The following LMNB2 variants were observed in gnomAD, a reference collection of about 807,000 sequenced individuals.
The protein encoded by LMNB2 is lamin-B2.
A neutral mutation model predicts 69.3 loss-of-function variants in LMNB2; 17 were observed. The observed-to-expected ratio is 0.25, with a 90% CI of 0.17 to 0.37. The LOEUF is 0.37. Ranked by LOEUF, LMNB2 falls within the 10% of genes least tolerant of loss-of-function variation. LMNB2 has a pLI of 1.00. For missense variants in LMNB2, 789 were observed against 883.6 expected (o/e 0.89, Z 1.36); for synonymous variants, 397 against 389.3 (o/e 1.02, Z -0.23).
intron 1 of LMNB2, among the ~76,000 whole-genome samples, chr19:2,452,906 GTGGGGGATGGGTCATCCTCA>G (rs559866028): frequency 0.25 from 36,163 of 145,662 alleles, 4,885 homozygotes; most frequent in Middle Eastern, 0.29. Context: ...CGTCATCCTC[GTGGGGGATGGGTCATCCTCA>G]TGGGGGCTGC....
intron 2 of LMNB2, among the ~76,000 whole-genome samples, chr19:2,440,604 A>G (rs557717952): frequency 4.0e-5 from 6 of 150,918 alleles, no homozygotes; most frequent in African/African-American, 1.5e-4. Context: ...CTGTCCATCT[A>G]TCCATCCACC....
intron 1 of LMNB2, among the ~76,000 whole-genome samples, chr19:2,445,070 C>T (rs564878385): frequency 3.0e-4 from 45 of 152,246 alleles, no homozygotes; most frequent in African/African-American, 9.6e-4. Flanking sequence ...GGATCTCTCC[C>T]GCTGGGCACC....
At chr19:2,456,221 C>G (rs947404283) in intron 1 of LMNB2, among the ~76,000 whole-genome samples, 3 of 150,770 alleles carry the variant, frequency 2.0e-5, no homozygotes, top group Non-Finnish European at 4.4e-5. Flanking sequence ...CAGGGTTCCC[C>G]GCGACTGGGA....
rs145444042 is a variant in LMNB2, at chr19:2,431,811, C to A, written c.1682G>T (p.Arg561Leu). The change falls in exon 10 of 12, where the codon CGC becomes CTC. Residue 561 changes from arginine to leucine, a missense_variant. Transcript: ENST00000325327. ...GCCATCCGCGTTAACCAGGACGGTG[C>A]GGAAGCTCTCGCCCGTGCCCCAGCT... ...QSSWGTGESF[R>L]TVLVNADGEE... 36 of 1,613,668 alleles carry A rather than the reference C, an allele frequency of 2.2e-5. No homozygotes were observed. Among genetic ancestry groups the A allele is most frequent in the Middle Eastern group, 3.3e-4 (2 of 6,084 alleles).
At chr19:2,451,528 T>C (rs904358691) in intron 1 of LMNB2, among the ~76,000 whole-genome samples, 1 of 152,190 alleles carries the variant, frequency 6.6e-6, no homozygotes, top group Non-Finnish European at 1.5e-5. Flanking sequence ...CAAAGACCCT[T>C]TGAGCCTGCG....
rs767335689 is a variant in LMNB2 at position 2,438,308 on chromosome 19, G to A, written c.559-20C>T. ...CTCGGCCTGGGAGACACAGGACAGC[G>A]AGCTGGTGTGACAATCTGTCTGTTG... On this transcript the variant is annotated intron_variant, in intron 3 of 11. Coordinates refer to ENST00000325327, the MANE Select transcript of LMNB2 (RefSeq NM_032737.4). 7.4e-5 allele frequency: 120 copies of A among 1,613,724 alleles called. No homozygotes were observed. Among genetic ancestry groups the A allele is most frequent in the Non-Finnish European group, 9.3e-5 (110 of 1,180,040 alleles).
At chr19:2,435,877 G>A (rs1456007379) in intron 4 of LMNB2, among the ~76,000 whole-genome samples, 6 of 152,186 alleles carry the variant, frequency 3.9e-5, no homozygotes, top group African/African-American at 9.6e-5. Context: ...CGGGCCAGGC[G>A]TGGTGGCTCA....
intron 11 of LMNB2, 26 bp from the exon 12 acceptor site, chr19:2,430,978 G>A (rs371799202): frequency 8.8e-6 from 14 of 1,587,308 alleles, no homozygotes; most frequent in Middle Eastern, 1.9e-4. Flanking sequence ...AAGGAAGGTC[G>A]GCCATGATCA....
chr19:2,431,821 C>CGCCCGTGCCCCAGCTGCTCTG lies in LMNB2; in HGVS notation c.1651_1671dup (p.Gln551_Gly557dup). 2.5e-6 allele frequency: 4 copies of CGCCCGTGCCCCAGCTGCTCTG among 1,613,718 alleles called. No individual in the cohort carries two copies. Among genetic ancestry groups the CGCCCGTGCCCCAGCTGCTCTG allele is most frequent in the Non-Finnish European group, 2.5e-6 (3 of 1,179,930 alleles). ...TTAACCAGGACGGTGCGGAAGCTCT[C>CGCCCGTGCCCCAGCTGCTCTG]GCCCGTGCCCCAGCTGCTCTGGCCC... On this transcript the variant is annotated inframe_insertion, in exon 10 of 12. Coordinates refer to ENST00000325327, the MANE Select transcript of LMNB2 (RefSeq NM_032737.4).
In LMNB2 at chr19:2,447,089, A is replaced by T. The variant is rs1971964909; in HGVS notation, c.265-2549T>A. Reference sequence around the variant, plus strand: ...AACCCGGGAGGTGGAACTTGCAGTGAGCCGAGATCGCACCACTGCCCTCCA... The same window carrying T: ...AACCCGGGAGGTGGAACTTGCAGTGTGCCGAGATCGCACCACTGCCCTCCA... On this transcript the variant is annotated intron_variant, in intron 1 of 11. Transcript: ENST00000325327. This position sits in a 1 kb window ranked among gnomAD's most constrained non-coding sequence, Gnocchi z 4.4. Among the ~76,000 whole-genome samples the T allele has an allele frequency of 7.2e-6, 1 of 139,716 alleles. No individual in the cohort carries two copies. Among genetic ancestry groups the T allele is most frequent in the East Asian group, 2.0e-4 (1 of 5,098 alleles). 91.7% of individuals were successfully genotyped at this position (139,716 alleles called of 152,430 possible). A position where few individuals can be genotyped will look rare whatever the true frequency, so the allele number is the denominator to read the frequency against.
chr19:2,434,638 G>T (rs1599332063), intron 6 of LMNB2, 123 bp from the exon 7 acceptor site: 2 of 1,498,578 alleles, frequency 1.3e-6, no homozygotes, highest in African/African-American at 2.8e-5. Context: ...CTGGGCATGG[G>T]GCGCACGGGA....
At chr19:2,442,429 C>T (rs1323209806) in intron 2 of LMNB2, among the ~76,000 whole-genome samples, 1 of 151,972 alleles carries the variant, frequency 6.6e-6, no homozygotes, top group East Asian at 1.9e-4. Context: ...ATTAGCTGGG[C>T]AAGGTGGTGT....
At chr19:2,434,551 C>A in intron 6 of LMNB2, 36 bp from the exon 7 acceptor site, 3 of 1,600,336 alleles carry the variant, frequency 1.9e-6, no homozygotes, top group Non-Finnish European at 1.7e-6. Context: ...TCAGGGCAGC[C>A]CATGGGTCAC....
chr19:2,450,779 G>A (rs1206612506), intron 1 of LMNB2, among the ~76,000 whole-genome samples: 1 of 151,850 alleles, frequency 6.6e-6, no homozygotes, highest in African/African-American at 2.4e-5. Context: ...CTATAGCCGT[G>A]CACCACCACG....
At chr19:2,448,355 CAGAG>C (rs1442223343) in intron 1 of LMNB2, among the ~76,000 whole-genome samples, 2 of 152,184 alleles carry the variant, frequency 1.3e-5, no homozygotes, top group African/African-American at 4.8e-5. Context: ...CCTGTCCCCA[CAGAG>C]AGAGAGCTGA....
At chr19:2,446,365 G>A (rs968976734) in intron 1 of LMNB2, among the ~76,000 whole-genome samples, 4 of 151,752 alleles carry the variant, frequency 2.6e-5, no homozygotes, top group Admixed American at 1.3e-4. Context: ...CCTAAGCCCC[G>A]CGCAAAGCCC....
At chr19:2,451,221 C>A (rs1220201619) in intron 1 of LMNB2, among the ~76,000 whole-genome samples, 3 of 152,126 alleles carry the variant, frequency 2.0e-5, no homozygotes, top group Non-Finnish European at 4.4e-5. Context: ...TGCATTCCAG[C>A]CTGGAAAACG....
intron 4 of LMNB2, among the ~76,000 whole-genome samples, chr19:2,435,386 A>G (rs568845986): frequency 3.9e-4 from 60 of 152,294 alleles, no homozygotes; most frequent in African/African-American, 1.4e-3. Flanking sequence ...AGGCTCTGAC[A>G]CCGCCACAGC....
chr19:2,434,742 G>A, intron 6 of LMNB2, 46 bp downstream of exon 6: 2 of 1,576,064 alleles, frequency 1.3e-6, no homozygotes, highest in Non-Finnish European at 8.6e-7. Context: ...GCAGGGCCCA[G>A]AAGTTGGGCC....
Sources: gnomAD v4.1 joint callset for allele counts (sites outside exome capture counted in the v4.1 genomes callset) on GRCh38, gnomAD v4.1.1 for gene constraint, Gnocchi (gnomAD v3.1) non-coding constraint, MANE v1.5 for transcripts, NCBI Gene and HGNC (gene_info 2026-07-23, HGNC 2026-07-21) for gene names.